Variants in DLAT observed in about 807,000 individuals in gnomAD.
The protein encoded by DLAT is dihydrolipoamide S-acetyltransferase.
A neutral mutation model predicts 68.0 loss-of-function variants in DLAT; 43 were observed. The ratio of observed to expected loss-of-function variants is 0.63; its 90% CI spans 0.50 to 0.81. The LOEUF (loss-of-function observed/expected upper bound fraction) is 0.81. Among genes scored for constraint, DLAT ranks in the 40% least tolerant of loss-of-function variants. The pLI is 0.00. For synonymous variants in DLAT, 265 were observed against 288.6 expected (o/e 0.92, Z 0.83); for missense variants, 745 against 815.4 (o/e 0.91, Z 1.05).
rs371303907 is a variant in DLAT, at chr11:112,029,255, T to A, written c.660+310T>A. On this transcript the variant is annotated intron_variant, in intron 4 of 13. Transcript: ENST00000280346. Reference sequence around the variant, plus strand: ...GATTTTTACTAACATCTATTCCCTGTATAATTAGAGTTTATAGCAGGCTGT... The same window carrying A: ...GATTTTTACTAACATCTATTCCCTGAATAATTAGAGTTTATAGCAGGCTGT... Among the ~76,000 whole-genome samples the A allele has an allele frequency of 1.7e-3, 260 of 152,364 alleles. 9 individuals carry two copies. In the South Asian group the frequency reaches 0.052, roughly 30 times the overall value.
intron 6 of DLAT, among the ~76,000 whole-genome samples, chr11:112,038,450 C>G (rs998981876): frequency 6.6e-6 from 1 of 151,634 alleles, no homozygotes; most frequent in Non-Finnish European, 1.5e-5. Context: ...CCACCCACCT[C>G]GGCCTCCCAA....
intron 8 of DLAT, among the ~76,000 whole-genome samples, chr11:112,044,867 T>C (rs1230705172): frequency 6.6e-6 from 1 of 152,088 alleles, no homozygotes; most frequent in African/African-American, 2.4e-5. Flanking sequence ...TTTCCGTCTC[T>C]ACTAGAAATC....
At chr11:112,027,319 C>T (rs1265443753) in intron 2 of DLAT, among the ~76,000 whole-genome samples, 2 of 147,338 alleles carry the variant, frequency 1.4e-5, no homozygotes, top group East Asian at 2.0e-4. Context: ...GGGGCAGAGG[C>T]GCTCCCCACA....
intron 2 of DLAT, 50 bp from the exon 3 acceptor site, chr11:112,028,465 A>C: frequency 6.3e-7 from 1 of 1,594,876 alleles, no homozygotes; most frequent in Non-Finnish European, 8.6e-7. Context: ...CAAGCTAATA[A>C]ATTACATACC....
At chr11:112,059,809 A>C in intron 11 of DLAT, 94 bp from the exon 12 acceptor site, 1 of 1,173,410 alleles carries the variant, frequency 8.5e-7, no homozygotes, top group African/African-American at 1.6e-5. Context: ...TGGTTCAAAA[A>C]ATTTTTGAAG....
At chr11:112,031,770 A>G (rs1592665989) in intron 4 of DLAT, among the ~76,000 whole-genome samples, 1 of 123,040 alleles carries the variant, frequency 8.1e-6, no homozygotes, top group Non-Finnish European at 1.6e-5. Context: ...TTAAGAGATG[A>G]GGTTACATCA....
intron 4 of DLAT, 73 bp from the exon 5 acceptor site, chr11:112,033,326 AACCAC>A: frequency 3.2e-6 from 5 of 1,556,444 alleles, no homozygotes; most frequent in South Asian, 1.1e-5. Context: ...CATTCTATGA[AACCAC>A]ATAAGTCTGC....
At position 112,063,457 on chromosome 11, in the gene DLAT, A is replaced by G. The variant is rs1864763986; in HGVS notation, c.*922A>G. 1 of 152,622 alleles carries G rather than the reference A, an allele frequency of 6.6e-6. No individual in the cohort carries two copies. Among genetic ancestry groups the G allele is most frequent in the African/African-American group, 2.4e-5 (1 of 41,456 alleles). The allele number at this position is 152,622 out of a possible 1,614,324, so 9.5% of individuals were successfully genotyped here. A position where few individuals can be genotyped will look rare whatever the true frequency, so the allele number is the denominator to read the frequency against. ...TGGAATAAGTGTACATATGTAAAATATTGTTACTAGAGTTAGATATGTGCC... is the reference window on the plus strand; with the variant it reads ...TGGAATAAGTGTACATATGTAAAATGTTGTTACTAGAGTTAGATATGTGCC... On this transcript the variant is annotated 3_prime_UTR_variant, in exon 14 of 14. Transcript: ENST00000280346.
At position 112,051,840 on chromosome 11, in the gene DLAT, T is replaced by C. The variant is rs1863657562; in HGVS notation, c.1514+491T>C. ...CTGTCACAAAGCAGGGTTAAACAGATGATTTTCATTCTCCTGAACTTTACG... is the reference window on the plus strand; with the variant it reads ...CTGTCACAAAGCAGGGTTAAACAGACGATTTTCATTCTCCTGAACTTTACG... On this transcript the variant is annotated intron_variant, in intron 11 of 13. Transcript: ENST00000280346. This position sits in a 1 kb window ranked among gnomAD's most constrained non-coding sequence, Gnocchi z 4.3. Among the ~76,000 whole-genome samples, 1 of 152,250 alleles carries C rather than the reference T, an allele frequency of 6.6e-6. No homozygotes were observed. Among genetic ancestry groups the C allele is most frequent in the South Asian group, 2.1e-4 (1 of 4,834 alleles).
chr11:112,027,304 G>A (rs1862104713), intron 2 of DLAT, among the ~76,000 whole-genome samples: 1 of 135,644 alleles, frequency 7.4e-6, no homozygotes. Flanking sequence ...CCCAGACGGG[G>A]CGGCGGGGCA....
In DLAT at chr11:112,035,790, C is replaced by CTT. The variant is rs781796619; in HGVS notation, c.788-1466_788-1465dup. Reference sequence around the variant, plus strand: ...GGCGTGAGCCACCACCGCACCCAGCCTTTTTTTTTTTTTTTTTTGAGATAG... The same window carrying CTT: ...GGCGTGAGCCACCACCGCACCCAGCCTTTTTTTTTTTTTTTTTTTTGAGATAG... On this transcript the variant is annotated intron_variant, in intron 5 of 13. Coordinates refer to ENST00000280346, the MANE Select transcript of DLAT (RefSeq NM_001931.5). Among the ~76,000 whole-genome samples, 483 of 106,686 alleles carry CTT rather than the reference C, an allele frequency of 4.5e-3. 10 individuals are homozygous for CTT. The highest frequency in any genetic ancestry group is 0.017 in the African/African-American group (458 of 26,740). 70.0% of individuals were successfully genotyped at this position (106,686 alleles called of 152,430 possible). A position where few individuals can be genotyped will look rare whatever the true frequency, so the allele number is the denominator to read the frequency against.
chr11:112,037,171 C>G (rs1862819306), intron 5 of DLAT, 102 bp from the exon 6 acceptor site: 1 of 1,162,088 alleles, frequency 8.6e-7, no homozygotes, highest in South Asian at 1.3e-5. Context: ...GGCTATATAG[C>G]TAGCTTGAAT....
At position 112,064,115 on chromosome 11, in the gene DLAT, C is replaced by A; in HGVS notation, c.*1580C>A. On this transcript the variant is annotated 3_prime_UTR_variant, in exon 14 of 14. Transcript: ENST00000280346. ...TAGGTTGAAGATTATCCAAAAGAAA[C>A]AAGCTTATCACAAGGGACCATCATC... 7.2e-7 allele frequency: 1 copy of A among 1,384,260 alleles called. No individual in the cohort carries two copies. The highest frequency in any genetic ancestry group is 2.5e-5 in the East Asian group (1 of 39,750). 85.7% of individuals were successfully genotyped at this position (1,384,260 alleles called of 1,614,324 possible).
At chr11:112,034,414 C>A (rs927180219) in intron 5 of DLAT, among the ~76,000 whole-genome samples, 3 of 151,676 alleles carry the variant, frequency 2.0e-5, no homozygotes. Context: ...GCTAAAAAAA[C>A]CCATATAGAC....
intron 4 of DLAT, among the ~76,000 whole-genome samples, chr11:112,031,237 G>A (rs1862376605): frequency 6.6e-6 from 1 of 152,090 alleles, no homozygotes; most frequent in African/African-American, 2.4e-5. Context: ...GCATAATCCT[G>A]TTGCTAATCA....
intron 5 of DLAT, among the ~76,000 whole-genome samples, 167 bp from the exon 6 acceptor site, chr11:112,037,106 C>A (rs1291241694): frequency 5.3e-5 from 8 of 151,858 alleles, no homozygotes; most frequent in African/African-American, 1.9e-4. Flanking sequence ...TATTATTATC[C>A]CCGTATTGTA....
chr11:112,036,582 G>T (rs1208561411), intron 5 of DLAT: 1 of 152,236 alleles, frequency 6.6e-6, no homozygotes, highest in African/African-American at 2.4e-5. Context: ...GTTCATCAAG[G>T]AGAGGCACAA....
intron 9 of DLAT, among the ~76,000 whole-genome samples, chr11:112,045,472 G>A (rs2137793164): frequency 6.6e-6 from 1 of 152,206 alleles, no homozygotes; most frequent in African/African-American, 2.4e-5. Context: ...CAGATCACAA[G>A]GTCCAGACTT....
intron 5 of DLAT, among the ~76,000 whole-genome samples, chr11:112,036,113 C>G (rs1409574923): frequency 7.0e-6 from 1 of 143,506 alleles, no homozygotes; most frequent in East Asian, 2.1e-4. Context: ...ATATATATCT[C>G]CAGACTTAAA....
Sources: allele counts gnomAD v4.1 joint callset (sites outside exome capture counted in the v4.1 genomes callset), GRCh38; gene constraint gnomAD v4.1.1; non-coding constraint Gnocchi (gnomAD v3.1); transcripts MANE v1.5; gene names NCBI Gene and HGNC (gene_info 2026-07-23, HGNC 2026-07-21).